U2SURP: variants seen among roughly 807,000 people sequenced by gnomAD.
The protein encoded by U2SURP is U2 snRNP-associated SURP motif-containing protein.
A neutral mutation model predicts 144.9 loss-of-function variants in U2SURP; 9 were observed. That is an observed-to-expected ratio of 0.06 (90% CI 0.04 to 0.11). U2SURP has a LOEUF of 0.11. Ranked by LOEUF, U2SURP falls within the 10% of genes least tolerant of loss-of-function variation. U2SURP has a pLI of 1.00. For synonymous variants in U2SURP, 408 were observed against 396.8 expected (o/e 1.03, Z -0.33); for missense variants, 724 against 1,226.7 (o/e 0.59, Z 6.12).
rs909901484 is a variant in U2SURP at position 143,058,418 on chromosome 3, G to T, written c.*1968G>T. ...TTTCCTACTACATTGGAGTTTAGCAGTTCTTTTTTTCTGGATCCAGATACA... is the reference window on the plus strand; with the variant it reads ...TTTCCTACTACATTGGAGTTTAGCATTTCTTTTTTTCTGGATCCAGATACA... On this transcript the variant is annotated 3_prime_UTR_variant, in exon 28 of 28. Transcript: ENST00000473835. 6.6e-6 allele frequency: 1 copy of T among 151,842 alleles called. No homozygotes were observed. The highest frequency in any genetic ancestry group is 2.4e-5 in the African/African-American group (1 of 41,400). 9.4% of individuals were successfully genotyped at this position (151,842 alleles called of 1,614,324 possible).
At chr3:143,024,873 TGA>T (rs1231604403) in intron 13 of U2SURP, among the ~76,000 whole-genome samples, 1 of 152,026 alleles carries the variant, frequency 6.6e-6, no homozygotes, top group Non-Finnish European at 1.5e-5. Context: ...TTATTATAAC[TGA>T]GAGACAATTT....
At chr3:143,051,911 A>G (rs1425372792) in intron 25 of U2SURP, among the ~76,000 whole-genome samples, 1 of 152,154 alleles carries the variant, frequency 6.6e-6, no homozygotes, top group East Asian at 1.9e-4. Context: ...TCTTCATTAT[A>G]AGTATTTTAG....
chr3:143,023,146 A>G, intron 12 of U2SURP, 82 bp downstream of exon 12: 2 of 1,248,888 alleles, frequency 1.6e-6, no homozygotes, highest in East Asian at 5.2e-5. Flanking sequence ...ACAATTTTAT[A>G]GAAAATGTGT....
At chr3:143,031,445 A>ACCCTAACCTTCAGCTACCACCG (rs1553842542) in intron 16 of U2SURP, among the ~76,000 whole-genome samples, 33 of 113,368 alleles carry the variant, frequency 2.9e-4, no homozygotes, top group Non-Finnish European at 6.2e-4. Flanking sequence ...AGCTACCACC[A>ACCCTAACCTTCAGCTACCACCG]CCCTAACCTT....
chr3:143,003,979 C>T (rs1227264073), intron 1 of U2SURP, among the ~76,000 whole-genome samples: 1 of 152,158 alleles, frequency 6.6e-6, no homozygotes. Flanking sequence ...CGTGAGCCAC[C>T]GTGCCCCGCC....
chr3:143,051,618 AAAAG>A (rs1416203264), intron 25 of U2SURP, among the ~76,000 whole-genome samples: 5 of 150,908 alleles, frequency 3.3e-5, no homozygotes, highest in South Asian at 4.2e-4. Context: ...AAAAAAAAAA[AAAAG>A]AAAAACCAAT....
intron 27 of U2SURP, 146 bp from the exon 28 acceptor site, chr3:143,056,166 T>C: frequency 1.3e-6 from 1 of 749,526 alleles, no homozygotes; most frequent in Non-Finnish European, 2.1e-6. Context: ...GTGTGTACAA[T>C]AGAGTTTAAA....
intron 16 of U2SURP, among the ~76,000 whole-genome samples, chr3:143,032,528 G>C (rs983577814): frequency 5.3e-5 from 8 of 152,174 alleles, no homozygotes; most frequent in African/African-American, 1.9e-4. Flanking sequence ...TTGAAGAAAT[G>C]CGTATGATTT....
chr3:143,051,373 G>A (rs1424770375), intron 25 of U2SURP, among the ~76,000 whole-genome samples: 1 of 152,030 alleles, frequency 6.6e-6, no homozygotes, highest in Non-Finnish European at 1.5e-5. Context: ...AACCCTGAGA[G>A]GTAGTACAGA....
chr3:143,033,754 C>T (rs187205305), intron 18 of U2SURP, among the ~76,000 whole-genome samples: 211 of 152,204 alleles, frequency 1.4e-3, no homozygotes, highest in African/African-American at 5.0e-3. Flanking sequence ...GGTCTTGGAA[C>T]CAGTCCCCCC....
chr3:143,029,687 A>G (rs939602486), intron 16 of U2SURP, among the ~76,000 whole-genome samples: 2 of 152,220 alleles, frequency 1.3e-5, no homozygotes, highest in Non-Finnish European at 2.9e-5. Context: ...ATCAAAAGCT[A>G]GAATGATTAA....
intron 4 of U2SURP, among the ~76,000 whole-genome samples, chr3:143,014,651 A>G (rs964751408): frequency 6.6e-6 from 1 of 151,944 alleles, no homozygotes; most frequent in African/African-American, 2.4e-5. Flanking sequence ...TTCTTTTTGT[A>G]TAAGTAAAGT....
chr3:143,025,425 A>C (rs1386280534), intron 13 of U2SURP, among the ~76,000 whole-genome samples: 1 of 152,160 alleles, frequency 6.6e-6, no homozygotes, highest in Non-Finnish European at 1.5e-5. Flanking sequence ...TGCTAAAGTC[A>C]AGTTGCTTTT....
At position 143,012,366 on chromosome 3, in the gene U2SURP, A is replaced by G; in HGVS notation, c.222+13A>G. ...GAATCTCTCAAGAGTGAGTATAGAT[A>G]AGATAAGGTAAAGATAAGAAAGGAT... is the stretch of plus-strand genomic sequence containing the variant. On this transcript the variant is annotated intron_variant, in intron 3 of 27. Transcript: ENST00000473835. The G allele has an allele frequency of 1.3e-6, 2 of 1,594,586 alleles. No individual in the cohort carries two copies. Among genetic ancestry groups the G allele is most frequent in the South Asian group, 1.1e-5 (1 of 87,580 alleles).
intron 17 of U2SURP, 94 bp downstream of exon 17, chr3:143,033,040 A>G: frequency 7.3e-7 from 1 of 1,364,522 alleles, no homozygotes; most frequent in Non-Finnish European, 1.0e-6. Flanking sequence ...GACTGATGAG[A>G]TTTTTCCCAT....
At chr3:143,033,063 T>TGGAA in intron 17 of U2SURP, 117 bp downstream of exon 17, 1 of 1,203,756 alleles carries the variant, frequency 8.3e-7, no homozygotes. Flanking sequence ...AGTCTTATGT[T>TGGAA]ATTTCTGCTT....
intron 16 of U2SURP, among the ~76,000 whole-genome samples, chr3:143,031,222 A>G (rs1431523425): frequency 6.6e-6 from 1 of 152,182 alleles, no homozygotes; most frequent in Non-Finnish European, 1.5e-5. Context: ...GATCTAGAAT[A>G]TATATAAAGT....
intron 1 of U2SURP, among the ~76,000 whole-genome samples, chr3:143,006,418 T>C (rs1235816215): frequency 6.6e-6 from 1 of 152,164 alleles, no homozygotes; most frequent in African/African-American, 2.4e-5. Context: ...GCTTGCCAGA[T>C]CTTGTGCTTG....
rs543232734 is a variant in U2SURP at position 143,050,154 on chromosome 3, A to G, written c.2545-785A>G. ...AATGGTGCCATCTCGGCTCACCGCAACCTCCGCCCACCGGGTTCAAGCGAT... is the reference window on the plus strand; with the variant it reads ...AATGGTGCCATCTCGGCTCACCGCAGCCTCCGCCCACCGGGTTCAAGCGAT... On this transcript the variant is annotated intron_variant, in intron 24 of 27. Coordinates refer to ENST00000473835, the MANE Select transcript of U2SURP (RefSeq NM_001080415.2). Among the ~76,000 whole-genome samples the G allele has an allele frequency of 1.9e-4, 29 of 151,852 alleles. 1 individual carries two copies. In the South Asian group the frequency reaches 5.4e-3, roughly 28 times the overall value.
Sources: allele counts gnomAD v4.1 joint callset (sites outside exome capture counted in the v4.1 genomes callset), GRCh38; gene constraint gnomAD v4.1.1; transcripts MANE v1.5; gene names NCBI Gene and HGNC (gene_info 2026-07-23, HGNC 2026-07-21).